MOV10L1: variants seen among roughly 807,000 people sequenced by gnomAD.
MOV10L1 encodes Mov10 like RNA helicase 1.
A neutral mutation model predicts 143.8 loss-of-function variants in MOV10L1; 110 were observed. That is an observed-to-expected ratio of 0.76 (90% CI 0.66 to 0.90). The LOEUF (loss-of-function observed/expected upper bound fraction) is 0.90, where lower values mean the gene tolerates loss of function less well. Ranked by LOEUF, MOV10L1 falls within the 40% of genes least tolerant of loss-of-function variation. The probability of loss-of-function intolerance (pLI) is 0.00; values close to 1 mark genes in which losing one functional copy is unlikely to be tolerated. For synonymous variants in MOV10L1, 593 were observed against 581.1 expected (o/e 1.02, Z -0.29); for missense variants, 1,406 against 1,526.8 (o/e 0.92, Z 1.32).
In MOV10L1 at chr22:50,120,612, C is replaced by T; in HGVS notation, c.1565C>T (p.Ala522Val). 1 of 1,603,398 alleles carries T rather than the reference C, an allele frequency of 6.2e-7. No homozygotes were observed. Among genetic ancestry groups the T allele is most frequent in the South Asian group, 1.1e-5 (1 of 90,554 alleles). The part of the protein sequence containing the change: ...IDILTFQPLL[A>V]ELLNMSNYKE... ...ATCCTGACTTTCCAGCCATTACTTG[C>T]AGAGGTAGGAAGTGTCTCATGGCCT... Residue 522 changes from alanine to valine, a missense_variant, in exon 10 of 27, where the codon GCA becomes GTA. Coordinates refer to ENST00000262794, the MANE Select transcript of MOV10L1 (RefSeq NM_018995.3).
chr22:50,148,960 G>A (rs1039718291), intron 19 of MOV10L1, among the ~76,000 whole-genome samples: 1 of 152,192 alleles, frequency 6.6e-6, no homozygotes, highest in Admixed American at 6.5e-5. Context: ...CACTGCGCCC[G>A]ACCAACCCCA....
chr22:50,159,641 G>A lies in MOV10L1; in HGVS notation c.3217-37G>A, dbSNP rs764935045. 1.4e-5 allele frequency: 19 copies of A among 1,318,176 alleles called. No homozygotes were observed. Among genetic ancestry groups the A allele is most frequent in the Non-Finnish European group, 2.1e-5 (19 of 926,608 alleles). The allele number at this position is 1,318,176 out of a possible 1,614,324, so 81.7% of individuals were successfully genotyped here. The stretch of plus-strand genomic sequence containing the variant: ...AAAAGAAAAGAAATGGATTTGTACA[G>A]TGTTATCTTTAGTCTTTCTTTTAAT... On this transcript the variant is annotated intron_variant, in intron 23 of 26. Transcript: ENST00000262794. The surrounding 1 kb of genome is among the most constrained non-coding windows in gnomAD (Gnocchi z 4.1).
At chr22:50,135,013 TTTTC>T (rs2062783592) in intron 15 of MOV10L1, among the ~76,000 whole-genome samples, 3 of 152,094 alleles carry the variant, frequency 2.0e-5, no homozygotes, top group Admixed American at 1.3e-4. Context: ...TTCTTTTTTC[TTTTC>T]TTTCTTTTTT....
intron 9 of MOV10L1, among the ~76,000 whole-genome samples, 167 bp downstream of exon 9, chr22:50,117,518 A>G (rs1240859925): frequency 6.6e-6 from 1 of 152,022 alleles, no homozygotes; most frequent in Non-Finnish European, 1.5e-5. Flanking sequence ...GATGGAGTGC[A>G]TTTCCACGGA....
At chr22:50,098,272 C>CTTA (rs10627093) in intron 2 of MOV10L1, among the ~76,000 whole-genome samples, 3 of 141,668 alleles carry the variant, frequency 2.1e-5, no homozygotes, top group Non-Finnish European at 4.7e-5. Context: ...TTAATAATCA[C>CTTA]ATAATCACTT....
chr22:50,114,197 G>A (rs140226852), intron 6 of MOV10L1, among the ~76,000 whole-genome samples, 184 bp from the exon 7 acceptor site: 163 of 152,262 alleles, frequency 1.1e-3, no homozygotes, highest in African/African-American at 3.8e-3. Context: ...GACTACAGGC[G>A]TGAGACACCA....
chr22:50,115,325 T>C (rs1319052933), intron 8 of MOV10L1, 79 bp downstream of exon 8: 2 of 1,392,344 alleles, frequency 1.4e-6, no homozygotes, highest in Middle Eastern at 2.2e-4. Context: ...TAAAAGGTAC[T>C]CCTTTGTGGC....
chr22:50,126,295 A>G, intron 12 of MOV10L1, 23 bp downstream of exon 12: 1 of 1,569,696 alleles, frequency 6.4e-7, no homozygotes, highest in Non-Finnish European at 8.8e-7. Flanking sequence ...TCTCTTAATG[A>G]GTTTGTGTTA....
rs2063328938 is a variant in MOV10L1 at position 50,152,574 on chromosome 22, G to GCCCAGGGCTGGCCAT, written c.2893-471_2893-470insCCCAGGGCTGGCCAT. Among the ~76,000 whole-genome samples the GCCCAGGGCTGGCCAT allele has an allele frequency of 6.6e-6, 1 of 151,960 alleles. No individual in the cohort carries two copies. The highest frequency in any genetic ancestry group is 2.4e-5 in the African/African-American group (1 of 41,358). On this transcript the variant is annotated intron_variant, in intron 21 of 26. Transcript: ENST00000262794. The surrounding 1 kb of genome is among the most constrained non-coding windows in gnomAD (Gnocchi z 4.4). ...AGCCAGGCCCGCCCAGGGCTGGCCA[G>GCCCAGGGCTGGCCAT]GCCCCCAGAGTCACAGTGTCTATGC...
At chr22:50,091,791 A>G (rs1047181907) in intron 1 of MOV10L1, among the ~76,000 whole-genome samples, 2 of 152,120 alleles carry the variant, frequency 1.3e-5, no homozygotes, top group Non-Finnish European at 2.9e-5. Context: ...TGCCCTTCTG[A>G]GGAAACTGGG....
chr22:50,109,399 G>A (rs2061959358), intron 5 of MOV10L1, among the ~76,000 whole-genome samples: 1 of 152,066 alleles, frequency 6.6e-6, no homozygotes, highest in African/African-American at 2.4e-5. Flanking sequence ...GCCGGGCACG[G>A]TGGCTCACGC....
At chr22:50,122,545 T>A (rs551229145) in intron 10 of MOV10L1, among the ~76,000 whole-genome samples, 17 of 152,324 alleles carry the variant, frequency 1.1e-4, no homozygotes, top group African/African-American at 4.1e-4. Flanking sequence ...CATTTCCTTT[T>A]CTTGCCTAAT....
chr22:50,147,278 C>T lies in MOV10L1; in HGVS notation c.2627+1468C>T, dbSNP rs545968592. Reference sequence around the variant, plus strand: ...CAGAAGCAGGGAGGGTGCTGCAGGCCGCTCTCTCAGAGGCGCTCTGTGCAG... The same window carrying T: ...CAGAAGCAGGGAGGGTGCTGCAGGCTGCTCTCTCAGAGGCGCTCTGTGCAG... On this transcript the variant is annotated intron_variant, in intron 19 of 26. Transcript: ENST00000262794. 1.8e-3 allele frequency: 578 copies of T among 325,154 alleles called. 22 individuals are homozygous for T. In the African/African-American group the frequency reaches 0.033, roughly 19 times the overall value. 20.1% of individuals were successfully genotyped at this position (325,154 alleles called of 1,614,324 possible).
Position 50,126,183 on chromosome 22 carries a change from T to G in MOV10L1, c.1748-19T>G, listed in dbSNP as rs1386883151. ...GATTTTGTGTTAGCTTTAAACATGG[T>G]AATATATTTTTTAACTAGGTGATAA... is the stretch of plus-strand genomic sequence containing the variant. On this transcript the variant is annotated intron_variant, in intron 11 of 26. Coordinates refer to ENST00000262794, the MANE Select transcript of MOV10L1 (RefSeq NM_018995.3). 2 of 1,520,330 alleles carry G rather than the reference T, an allele frequency of 1.3e-6. No homozygotes were observed. The highest frequency in any genetic ancestry group is 1.8e-6 in the Non-Finnish European group (2 of 1,100,152). 94.2% of individuals were successfully genotyped at this position (1,520,330 alleles called of 1,614,324 possible). A position where few individuals can be genotyped will look rare whatever the true frequency, so the allele number is the denominator to read the frequency against.
chr22:50,125,211 A>G (rs574668362), intron 10 of MOV10L1, among the ~76,000 whole-genome samples, 181 bp from the exon 11 acceptor site: 12 of 152,304 alleles, frequency 7.9e-5, no homozygotes, highest in African/African-American at 2.4e-4. Context: ...CTGGAGCCCC[A>G]TGGCCCTCGT....
At chr22:50,098,428 C>G (rs2062652631) in intron 2 of MOV10L1, among the ~76,000 whole-genome samples, 1 of 152,162 alleles carries the variant, frequency 6.6e-6, no homozygotes, top group African/African-American at 2.4e-5. Context: ...CTTCCATCTC[C>G]TTAGTTAGGT....
chr22:50,160,413 AT>A lies in MOV10L1; in HGVS notation c.3325-262del, dbSNP rs773599179. Among the ~76,000 whole-genome samples the A allele has an allele frequency of 1.3e-3, 179 of 142,362 alleles. 1 individual carries two copies. The highest frequency in any genetic ancestry group is 0.011 in the East Asian group (53 of 4,958). 93.4% of individuals were successfully genotyped at this position (142,362 alleles called of 152,430 possible). On this transcript the variant is annotated intron_variant, in intron 24 of 26. Transcript: ENST00000262794. Reference sequence around the variant, plus strand: ...AGGCGCCCACCACCACGCCCAGCTAATTTTTTTTTTTTTGTATTTTTAGTAG... The same window carrying A: ...AGGCGCCCACCACCACGCCCAGCTAATTTTTTTTTTTTGTATTTTTAGTAG...
At chr22:50,109,466 G>A (rs181982786) in intron 5 of MOV10L1, among the ~76,000 whole-genome samples, 338 of 151,650 alleles carry the variant, frequency 2.2e-3, no homozygotes, top group Admixed American at 4.6e-3. Flanking sequence ...TCAGGGGATC[G>A]AGACCATCCT....
At chr22:50,141,996 CTAGATGTTTACGT>C (rs2063001803) in intron 15 of MOV10L1, 72 bp from the exon 16 acceptor site, 1 of 996,448 alleles carries the variant, frequency 1.0e-6, no homozygotes, top group East Asian at 2.6e-5. Context: ...AAGTAGAACA[CTAGATGTTTACGT>C]TTGCTCTTTC....
Sources: allele counts gnomAD v4.1 joint callset (sites outside exome capture counted in the v4.1 genomes callset), GRCh38; gene constraint gnomAD v4.1.1; non-coding constraint Gnocchi (gnomAD v3.1); transcripts MANE v1.5; gene names NCBI Gene and HGNC (gene_info 2026-07-23, HGNC 2026-07-21).